WWP2: variants seen among roughly 807,000 people sequenced by gnomAD.
WWP2 encodes the protein WW domain containing E3 ubiquitin protein ligase 2.
WWP2 carries 57 observed loss-of-function variants against 121.0 expected under a neutral mutation model. That is an observed-to-expected ratio of 0.47 (90% confidence interval 0.38 to 0.59). The LOEUF is 0.59. Among genes scored for constraint, WWP2 ranks in the 20% least tolerant of loss-of-function variants. The pLI, the probability that WWP2 is intolerant of heterozygous loss-of-function variation, is 0.00. For missense variants in WWP2, 962 were observed against 1,158.9 expected (o/e 0.83, Z 2.47); for synonymous variants, 449 against 441.3 (o/e 1.02, Z -0.22).
intron 6 of WWP2, 155 bp from the exon 7 acceptor site, chr16:69,871,649 G>A: frequency 9.2e-7 from 1 of 1,092,276 alleles, no homozygotes; most frequent in Non-Finnish European, 1.3e-6. Flanking sequence ...TCTCTGCTTG[G>A]AACCAGCTTC....
chr16:69,814,991 T>C (rs2056462195), intron 4 of WWP2, among the ~76,000 whole-genome samples: 3 of 151,954 alleles, frequency 2.0e-5, no homozygotes, highest in Admixed American at 2.0e-4. Context: ...TTTTTAAAAA[T>C]ATTTATTTAT....
intron 11 of WWP2, among the ~76,000 whole-genome samples, chr16:69,926,591 G>T (rs2058643283): frequency 6.6e-6 from 1 of 152,114 alleles, no homozygotes; most frequent in Non-Finnish European, 1.5e-5. Context: ...TACCTGCAGG[G>T]TACCACTTAG....
intron 9 of WWP2, chr16:69,909,174 C>G: frequency 9.7e-7 from 1 of 1,031,298 alleles, no homozygotes; most frequent in Non-Finnish European, 1.2e-6. Flanking sequence ...AGAATGCCGC[C>G]AAGTTATCCA....
At chr16:69,917,424 C>T (rs1359074068) in intron 9 of WWP2, among the ~76,000 whole-genome samples, 1 of 152,214 alleles carries the variant, frequency 6.6e-6, no homozygotes, top group East Asian at 1.9e-4. Flanking sequence ...GCTCAACATA[C>T]ATCACATGTG....
In WWP2 at chr16:69,787,214, T is replaced by G. The variant is rs974154966; in HGVS notation, c.70+134T>G. 4 of 576,098 alleles carry G rather than the reference T, an allele frequency of 6.9e-6. No homozygotes were observed. In the Admixed American group the frequency reaches 1.6e-4, roughly 23 times the overall value. 35.7% of individuals were successfully genotyped at this position (576,098 alleles called of 1,614,324 possible). A position where few individuals can be genotyped will look rare whatever the true frequency, so the allele number is the denominator to read the frequency against. On this transcript the variant is annotated intron_variant, in intron 2 of 23. Transcript: ENST00000359154. ...TTAATTATTTATTCTCATGGGATTGTCATCTTGTAGCTGTAATTCTTGAAG... is the reference window on the plus strand; with the variant it reads ...TTAATTATTTATTCTCATGGGATTGGCATCTTGTAGCTGTAATTCTTGAAG...
At chr16:69,783,780 TACAACA>T (rs55923742) in intron 1 of WWP2, among the ~76,000 whole-genome samples, 4 of 149,710 alleles carry the variant, frequency 2.7e-5, no homozygotes, top group African/African-American at 7.4e-5. Flanking sequence ...ACCTTGTTTC[TACAACA>T]ACAACAACAA....
chr16:69,879,512 G>A (rs1355353204), intron 7 of WWP2, among the ~76,000 whole-genome samples: 1 of 152,046 alleles, frequency 6.6e-6, no homozygotes, highest in Non-Finnish European at 1.5e-5. Context: ...ACTTAATGTG[G>A]CATTTTTGAT....
intron 4 of WWP2, among the ~76,000 whole-genome samples, chr16:69,801,192 A>C (rs1481785859): frequency 2.7e-5 from 4 of 149,434 alleles, no homozygotes; most frequent in Non-Finnish European, 4.4e-5. Context: ...TAAAAAAAAA[A>C]AAAAAGCAAT....
Position 69,876,252 on chromosome 16 carries a change from G to T in WWP2, c.703+4321G>T, listed in dbSNP as rs138605619. ...GGATTGTAGGCTTAAGCCTTTAGGA[G>T]GTTTTTAATGGGTTTTGGCCACATC... On this transcript the variant is annotated intron_variant, in intron 7 of 23. Transcript: ENST00000359154. Among the ~76,000 whole-genome samples the T allele has an allele frequency of 1.7e-3, 265 of 151,888 alleles. 4 individuals are homozygous for T. The highest frequency in any genetic ancestry group is 6.0e-3 in the African/African-American group (248 of 41,434).
intron 4 of WWP2, among the ~76,000 whole-genome samples, chr16:69,830,786 T>A (rs1459101540): frequency 6.6e-6 from 1 of 152,214 alleles, no homozygotes; most frequent in Non-Finnish European, 1.5e-5. Context: ...CAGTAAATCC[T>A]GGAATCATCT....
At chr16:69,809,715 C>G (rs1344505875) in intron 4 of WWP2, among the ~76,000 whole-genome samples, 1 of 151,684 alleles carries the variant, frequency 6.6e-6, no homozygotes, top group Non-Finnish European at 1.5e-5. Context: ...TTGCAGTGAG[C>G]CGAGATTGCG....
chr16:69,816,652 G>GT (rs1379680229), intron 4 of WWP2, among the ~76,000 whole-genome samples: 2 of 151,898 alleles, frequency 1.3e-5, no homozygotes, highest in Admixed American at 1.3e-4. Flanking sequence ...TGCTTCGTAT[G>GT]TATCAGTCAT....
chr16:69,877,135 C>T (rs1249720857), intron 7 of WWP2, among the ~76,000 whole-genome samples: 1 of 152,204 alleles, frequency 6.6e-6, no homozygotes, highest in Non-Finnish European at 1.5e-5. Context: ...CATCTTCTTG[C>T]AATAGAAGGC....
In WWP2 at chr16:69,936,389, A is replaced by C; in HGVS notation, c.2054A>C (p.His685Pro). The C allele has an allele frequency of 6.2e-7, 1 of 1,614,128 alleles. No individual in the cohort carries two copies. The highest frequency in any genetic ancestry group is 8.5e-7 in the Non-Finnish European group (1 of 1,180,040). The change falls in exon 19 of 24, where the codon CAC becomes CCC. Residue 685 changes from histidine (H) to proline (P), a missense_variant. By Grantham distance (77) the His-to-Pro change is moderately conservative (BLOSUM62 -2). Around this residue, in one of 3 missense-constraint regions of WWP2, gnomAD observed 606 missense variants for 772.6 expected, o/e 0.78. Transcript: ENST00000359154. The stretch of plus-strand genomic sequence containing the variant: ...GAGATACTGGGCAAGGTGACGACCC[A>C]CGAGCTGAAGGAGGGCGGCGAGAGC... ...DMEILGKVTT[H>P]ELKEGGESIR...
At chr16:69,888,768 G>A (rs1445770731) in intron 8 of WWP2, among the ~76,000 whole-genome samples, 1 of 151,506 alleles carries the variant, frequency 6.6e-6, no homozygotes, top group Non-Finnish European at 1.5e-5. Context: ...GCAATGGCAC[G>A]ATCTCAGCTC....
chr16:69,887,840 A>T (rs146812896), intron 7 of WWP2, among the ~76,000 whole-genome samples, 199 bp from the exon 8 acceptor site: 3 of 152,334 alleles, frequency 2.0e-5, no homozygotes, highest in African/African-American at 7.2e-5. Context: ...TTTCGGATTC[A>T]TCCTGATTTC....
chr16:69,855,762 G>A (rs1364462130), intron 6 of WWP2, among the ~76,000 whole-genome samples: 1 of 152,288 alleles, frequency 6.6e-6, no homozygotes, highest in South Asian at 2.1e-4. Flanking sequence ...ACAGTGGAGA[G>A]GCCAGTCCCA....
At chr16:69,865,927 A>G (rs918744203) in intron 6 of WWP2, among the ~76,000 whole-genome samples, 35 of 152,310 alleles carry the variant, frequency 2.3e-4, no homozygotes, top group African/African-American at 8.4e-4. Context: ...AGGCAGCGTG[A>G]GGCCATTGGT....
chr16:69,880,429 ATTC>A (rs2057806421), intron 7 of WWP2, among the ~76,000 whole-genome samples: 1 of 152,010 alleles, frequency 6.6e-6, no homozygotes, highest in South Asian at 2.1e-4. Flanking sequence ...CCTCCATGAT[ATTC>A]TTTGATCGTT....
Sources: allele counts gnomAD v4.1 joint callset (sites outside exome capture counted in the v4.1 genomes callset), GRCh38; gene constraint gnomAD v4.1.1; regional missense constraint gnomAD v4.1.1; transcripts MANE v1.5; gene names NCBI Gene and HGNC (gene_info 2026-07-23, HGNC 2026-07-21).